The following SFMBT2 variants were observed in gnomAD, a reference collection of about 807,000 sequenced individuals.
The protein encoded by SFMBT2 is scm-like with four MBT domains protein 2.
In SFMBT2, 38 loss-of-function variants were observed where a neutral mutation model predicts 110.1. The observed-to-expected ratio is 0.35, with a 90% confidence interval of 0.27 to 0.45. SFMBT2 has a LOEUF of 0.45. Ranked by LOEUF, SFMBT2 falls within the 20% of genes least tolerant of loss-of-function variation. The pLI is 1.00. For missense variants in SFMBT2, 1,011 were observed against 1,094.9 expected (o/e 0.92, Z 1.08); for synonymous variants, 425 against 425.4 (o/e 1.00, Z 0.01).
At chr10:7,239,030 T>C (rs1378404956) in intron 9 of SFMBT2, among the ~76,000 whole-genome samples, 3 of 152,212 alleles carry the variant, frequency 2.0e-5, no homozygotes, top group Non-Finnish European at 4.4e-5. Context: ...AAAACTCGTA[T>C]CCACTCTAGC....
In SFMBT2 at chr10:7,311,045, CAAAAAA is replaced by C. The variant is rs201310544; in HGVS notation, c.437-25097_437-25092del. ...CTAGGCAACAAGAGAAACTCCATCT[CAAAAAA>C]AAAAAAAAAAAACAAAACAAAAACA... On this transcript the variant is annotated intron_variant, in intron 4 of 20. Transcript: ENST00000397167. Among the ~76,000 whole-genome samples, 848 of 96,940 alleles carry C rather than the reference CAAAAAA, an allele frequency of 8.7e-3. 17 individuals are homozygous for C. Among genetic ancestry groups the C allele is most frequent in the African/African-American group, 0.031 (792 of 25,460 alleles). 63.6% of individuals were successfully genotyped at this position (96,940 alleles called of 152,430 possible). A position where few individuals can be genotyped will look rare whatever the true frequency, so the allele number is the denominator to read the frequency against.
chr10:7,255,139 G>A (rs185504908), intron 7 of SFMBT2, among the ~76,000 whole-genome samples: 45 of 152,216 alleles, frequency 3.0e-4, no homozygotes, highest in African/African-American at 9.9e-4. Context: ...TAATGCAGTC[G>A]GAGGGCATGC....
At chr10:7,329,366 T>C (rs1843495909) in intron 4 of SFMBT2, among the ~76,000 whole-genome samples, 1 of 152,224 alleles carries the variant, frequency 6.6e-6, no homozygotes, top group Non-Finnish European at 1.5e-5. Context: ...GAGCCGAGCT[T>C]AGGTACTGGC....
intron 4 of SFMBT2, among the ~76,000 whole-genome samples, chr10:7,341,179 C>G (rs953531725): frequency 6.6e-6 from 1 of 152,198 alleles, no homozygotes; most frequent in East Asian, 1.9e-4. Context: ...CTTCCTCGGG[C>G]CTCATGGCCA....
intron 7 of SFMBT2, among the ~76,000 whole-genome samples, chr10:7,269,917 G>A (rs1008845560): frequency 2.0e-5 from 3 of 150,756 alleles, no homozygotes; most frequent in Non-Finnish European, 2.9e-5. Flanking sequence ...CATTACCTTC[G>A]TGTAAGCAGA....
At chr10:7,260,652 C>A (rs1841163109) in intron 7 of SFMBT2, among the ~76,000 whole-genome samples, 1 of 152,294 alleles carries the variant, frequency 6.6e-6, no homozygotes, top group East Asian at 1.9e-4. Flanking sequence ...GGCCACTCTT[C>A]CGGCTTACAC....
chr10:7,258,448 T>C (rs1841099938), intron 7 of SFMBT2, among the ~76,000 whole-genome samples: 1 of 152,226 alleles, frequency 6.6e-6, no homozygotes, highest in Non-Finnish European at 1.5e-5. Context: ...TACACAAAAA[T>C]ACTGCACAGT....
chr10:7,294,517 A>T (rs1842349911), intron 4 of SFMBT2, among the ~76,000 whole-genome samples: 1 of 152,234 alleles, frequency 6.6e-6, no homozygotes, highest in Non-Finnish European at 1.5e-5. Context: ...CAATCTTGTC[A>T]AATGCTGCTG....
chr10:7,220,405 A>G lies in SFMBT2; in HGVS notation c.1330+6T>C. 1.2e-6 allele frequency: 2 copies of G among 1,613,586 alleles called. No homozygotes were observed. Among genetic ancestry groups the G allele is most frequent in the Non-Finnish European group, 1.7e-6 (2 of 1,179,610 alleles). ...CCAGCGACTGCTACCCCCAGCGAGTACGTACCTTCCAGGTGAAGCCACATT... is the reference window on the plus strand; with the variant it reads ...CCAGCGACTGCTACCCCCAGCGAGTGCGTACCTTCCAGGTGAAGCCACATT... On this transcript the variant is annotated splice_donor_region_variant and intron_variant, in intron 11 of 20. Coordinates refer to ENST00000397167, the MANE Select transcript of SFMBT2 (RefSeq NM_001387889.1).
intron 7 of SFMBT2, among the ~76,000 whole-genome samples, chr10:7,272,436 T>C (rs757400661): frequency 1.4e-4 from 21 of 152,212 alleles, no homozygotes; most frequent in Non-Finnish European, 2.8e-4. Context: ...TGAAAGGCTC[T>C]GAAACGAGTC....
intron 7 of SFMBT2, among the ~76,000 whole-genome samples, chr10:7,267,650 A>T (rs979084729): frequency 7.9e-5 from 12 of 152,338 alleles, no homozygotes; most frequent in Admixed American, 7.8e-4. Flanking sequence ...TGCCAGCCTC[A>T]GCCTCCCAAA....
At chr10:7,236,955 A>G (rs918746227) in intron 9 of SFMBT2, among the ~76,000 whole-genome samples, 1 of 152,250 alleles carries the variant, frequency 6.6e-6, no homozygotes, top group African/African-American at 2.4e-5. Flanking sequence ...ACAGATGGCC[A>G]GTAAGGGTAG....
At chr10:7,299,586 G>C (rs1439221994) in intron 4 of SFMBT2, among the ~76,000 whole-genome samples, 1 of 152,182 alleles carries the variant, frequency 6.6e-6, no homozygotes, top group African/African-American at 2.4e-5. Flanking sequence ...GGAAACAATA[G>C]ATGCTGGCGA....
At position 7,214,901 on chromosome 10, in the gene SFMBT2, C is replaced by G. The variant is rs140318236; in HGVS notation, c.1330+5510G>C. 2.9e-3 allele frequency among the ~76,000 whole-genome samples: 446 copies of G among 152,356 alleles called. 5 individuals carry two copies. The highest frequency in any genetic ancestry group is 0.02 in the South Asian group (95 of 4,828). ...GTTTTGTTATTCGCACTCTAAAGCT[C>G]TCTTCAACAATTTCTGCAGTGGTAA... On this transcript the variant is annotated intron_variant, in intron 11 of 20. Transcript: ENST00000397167.
intron 1 of SFMBT2, among the ~76,000 whole-genome samples, chr10:7,392,955 A>C (rs1845809265): frequency 7.5e-6 from 1 of 132,632 alleles, no homozygotes; most frequent in African/African-American, 2.7e-5. Flanking sequence ...TATCCTGTCT[A>C]TCCTATATAT....
chr10:7,263,053 G>A (rs1841261087), intron 7 of SFMBT2, among the ~76,000 whole-genome samples: 1 of 152,014 alleles, frequency 6.6e-6, no homozygotes, highest in Admixed American at 6.5e-5. Flanking sequence ...GGAGGTAGGG[G>A]AGCACGTACT....
At chr10:7,257,255 C>T (rs1368675877) in intron 7 of SFMBT2, among the ~76,000 whole-genome samples, 1 of 152,118 alleles carries the variant, frequency 6.6e-6, no homozygotes, top group African/African-American at 2.4e-5. Flanking sequence ...TCACTTTTTT[C>T]ACTTAAAACA....
chr10:7,316,178 TG>T (rs757374949), intron 4 of SFMBT2, among the ~76,000 whole-genome samples: 17 of 152,294 alleles, frequency 1.1e-4, no homozygotes, highest in Non-Finnish European at 1.9e-4. Flanking sequence ...TGGGTTGTGT[TG>T]GATTTTTATC....
intron 4 of SFMBT2, among the ~76,000 whole-genome samples, chr10:7,309,107 T>C (rs1452523690): frequency 6.6e-6 from 1 of 152,110 alleles, no homozygotes; most frequent in Non-Finnish European, 1.5e-5. Flanking sequence ...AGGCTAACAT[T>C]TGAAATTGTA....
Sources: allele counts gnomAD v4.1 joint callset (sites outside exome capture counted in the v4.1 genomes callset), GRCh38; gene constraint gnomAD v4.1.1; transcripts MANE v1.5; gene names NCBI Gene and HGNC (gene_info 2026-07-23, HGNC 2026-07-21).